CD48: variants seen among roughly 807,000 people sequenced by gnomAD.
The protein encoded by CD48 is CD48 antigen.
In CD48, 20 loss-of-function variants were observed where a neutral mutation model predicts 22.0. The observed-to-expected ratio is 0.91, with a 90% CI of 0.64 to 1.32. The LOEUF is 1.32. Among genes scored for constraint, CD48 ranks in the 40% most tolerant of loss-of-function variants. The probability of loss-of-function intolerance (pLI) is 0.00; values close to 1 mark genes in which losing one functional copy is unlikely to be tolerated. For missense variants in CD48, 307 were observed against 286.5 expected, an observed-to-expected ratio of 1.07 and a Z score of -0.52; for synonymous variants, 110 against 110.1, an observed-to-expected ratio of 1.00 and a Z score of 0.01.
At chr1:160,681,014 T>A in intron 3 of CD48, 188 bp downstream of exon 3, 1 of 1,462,890 alleles carries the variant, frequency 6.8e-7, no homozygotes, top group African/African-American at 1.4e-5. Flanking sequence ...CCCCACGAAG[T>A]TGAGGTAAGC....
chr1:160,704,748 T>G (rs1192235230), intron 1 of CD48, among the ~76,000 whole-genome samples: 1 of 152,232 alleles, frequency 6.6e-6, no homozygotes, highest in Admixed American at 6.5e-5. Flanking sequence ...ATTGAATTTA[T>G]TTTTGTTCCT....
chr1:160,684,973 T>C lies in CD48; in HGVS notation c.299A>G (p.Gln100Arg). 1 of 1,614,192 alleles carries C rather than the reference T, an allele frequency of 6.2e-7. No homozygotes were observed. Residue 100 changes from glutamine to arginine, a missense_variant, in exon 2 of 4, where the codon CAG becomes CGG. Transcript: ENST00000368046. ...GATGTAGGTGCTGTTGTCCTCTTTC[T>C]GGACCTTAGAGATGTACAGTGCGCC... ...QSGALYISKV[Q>R]KEDNSTYIMR...
chr1:160,696,306 G>C (rs1178815091), intron 1 of CD48, among the ~76,000 whole-genome samples: 54 of 150,876 alleles, frequency 3.6e-4, no homozygotes, highest in Non-Finnish European at 5.5e-4. Flanking sequence ...GGGATGTTGA[G>C]ACAGCTCTAA....
intron 1 of CD48, among the ~76,000 whole-genome samples, chr1:160,695,048 C>A (rs1208219316): frequency 1.3e-5 from 2 of 152,184 alleles, no homozygotes; most frequent in Non-Finnish European, 2.9e-5. Flanking sequence ...CCCTCTCCAG[C>A]CATGATCCCA....
At chr1:160,679,991 G>A (rs1661734763) in intron 3 of CD48, among the ~76,000 whole-genome samples, 1 of 152,174 alleles carries the variant, frequency 6.6e-6, no homozygotes, top group Non-Finnish European at 1.5e-5. Context: ...GGTAGAGACA[G>A]GGCCAATTAG....
At chr1:160,691,520 CA>C (rs1662218185) in intron 1 of CD48, among the ~76,000 whole-genome samples, 1 of 152,192 alleles carries the variant, frequency 6.6e-6, no homozygotes, top group Non-Finnish European at 1.5e-5. Flanking sequence ...ACCCTCTCCC[CA>C]CTATTGTCTT....
At chr1:160,682,491 AAGAG>A (rs772161004) in intron 2 of CD48, among the ~76,000 whole-genome samples, 3 of 145,490 alleles carry the variant, frequency 2.1e-5, no homozygotes, top group Non-Finnish European at 4.5e-5. Context: ...GAAAGGAAGA[AAGAG>A]AGAGAGAAGG....
rs556252081 is a variant in CD48, at chr1:160,691,472, T to C, written c.83-6283A>G. Among the ~76,000 whole-genome samples the C allele has an allele frequency of 5.3e-5, 8 of 152,298 alleles. No individual in the cohort carries two copies. In the East Asian group the frequency reaches 1.3e-3, roughly 26 times the overall value. On this transcript the variant is annotated intron_variant, in intron 1 of 3. Transcript: ENST00000368046. ...ACAGCATTTAATCCTTTACCTTGTCTATGATGCAAAGACCTTTGTTCACGT... is the reference window on the plus strand; with the variant it reads ...ACAGCATTTAATCCTTTACCTTGTCCATGATGCAAAGACCTTTGTTCACGT...
intron 1 of CD48, among the ~76,000 whole-genome samples, chr1:160,692,425 G>A (rs1249008506): frequency 6.6e-6 from 1 of 152,148 alleles, no homozygotes; most frequent in Non-Finnish European, 1.5e-5. Context: ...TAAACCACGA[G>A]GGCCAAGTCC....
intron 1 of CD48, among the ~76,000 whole-genome samples, chr1:160,706,761 GC>G (rs1397454850): frequency 6.6e-6 from 1 of 152,052 alleles, no homozygotes; most frequent in Non-Finnish European, 1.5e-5. Context: ...GTCTGTGCCC[GC>G]CCATGTTTCT....
chr1:160,680,965 A>T, intron 3 of CD48: 1 of 1,436,686 alleles, frequency 7.0e-7, no homozygotes, highest in South Asian at 1.5e-5. Flanking sequence ...AGTATCAGAG[A>T]TCTCTCCCAA....
At chr1:160,694,761 G>T (rs896878533) in intron 1 of CD48, among the ~76,000 whole-genome samples, 19 of 152,182 alleles carry the variant, frequency 1.2e-4, no homozygotes, top group African/African-American at 4.6e-4. Flanking sequence ...CCTTTTTAGG[G>T]GTGACCACTG....
At chr1:160,701,183 A>T (rs1165527538) in intron 1 of CD48, among the ~76,000 whole-genome samples, 1 of 142,632 alleles carries the variant, frequency 7.0e-6, no homozygotes, top group East Asian at 2.1e-4. Context: ...TATAAAAAAA[A>T]ATCTTTAAGA....
Position 160,678,962 on chromosome 1 carries a change from C to T in CD48, c.*90G>A. 2 of 919,914 alleles carry T rather than the reference C, an allele frequency of 2.2e-6. No homozygotes were observed. The highest frequency in any genetic ancestry group is 3.6e-6 in the Non-Finnish European group (2 of 550,904). The allele number at this position is 919,914 out of a possible 1,614,324, so 57.0% of individuals were successfully genotyped here. A position where few individuals can be genotyped will look rare whatever the true frequency, so the allele number is the denominator to read the frequency against. ...ATTCAGCAGCATGCTTCTGGTCAGC[C>T]TATACAGTCTCTGTCCTGGTGAGGA... is the stretch of plus-strand genomic sequence containing the variant. On this transcript the variant is annotated 3_prime_UTR_variant, in exon 4 of 4. Coordinates refer to ENST00000368046, the MANE Select transcript of CD48 (RefSeq NM_001778.4).
rs761666727 is a variant in CD48, at chr1:160,681,262, C to T, written c.592G>A (p.Val198Ile). ...TTCTTGCTGCTCACAGAATTGCTGA[C>T]TTGGCAAGTATAACACCTGGAGTAA... is the stretch of plus-strand genomic sequence containing the variant. ...HNYSRCYTCQ[V>I]SNSVSSKNGT... is the part of the protein sequence containing the mutation. Residue 198 changes from valine to isoleucine, a missense_variant, in exon 3 of 4, where the codon GTC (valine) becomes ATC (isoleucine). By Grantham distance (29) the Val-to-Ile change is conservative. Transcript: ENST00000368046. 16 of 1,614,114 alleles carry T rather than the reference C, an allele frequency of 9.9e-6. No individual in the cohort carries two copies. In the East Asian group the frequency reaches 3.3e-4, roughly 34 times the overall value.
intron 2 of CD48, 112 bp from the exon 3 acceptor site, chr1:160,681,580 CAG>C (rs1661805993): frequency 5.9e-6 from 8 of 1,347,378 alleles, no homozygotes; most frequent in Middle Eastern, 2.3e-4. Context: ...CCCCAGGAGG[CAG>C]AGTCATGAAG....
Position 160,681,203 on chromosome 1 carries a change from C to T in CD48, c.651G>A (p.Leu217=), listed in dbSNP as rs1661788037. 2.5e-6 allele frequency: 4 copies of T among 1,614,056 alleles called. No homozygotes were observed. In the East Asian group the frequency reaches 8.9e-5, roughly 36 times the overall value. ...GTVCLSPPCT[L]ARSFGVEWIA... ...TCAGCTCCCAGGGATCCTTCTTACC[C>T]AGGGTACAGGGTGGACTGAGGCAGA... The change falls in exon 3 of 4, where the codon CTG becomes CTA. Residue 217 remains leucine (L), a splice_region_variant and synonymous_variant. Transcript: ENST00000368046.
intron 1 of CD48, among the ~76,000 whole-genome samples, chr1:160,690,220 GC>G (rs1229087173): frequency 2.0e-5 from 3 of 152,112 alleles, no homozygotes; most frequent in Non-Finnish European, 4.4e-5. Context: ...TGATATGGAA[GC>G]CCCATAACTG....
intron 2 of CD48, among the ~76,000 whole-genome samples, 184 bp from the exon 3 acceptor site, chr1:160,681,652 A>C (rs1661807645): frequency 6.6e-6 from 1 of 152,206 alleles, no homozygotes; most frequent in South Asian, 2.1e-4. Flanking sequence ...TCACAGACTC[A>C]CTGCAAGAGC....
Sources: allele counts gnomAD v4.1 joint callset (sites outside exome capture counted in the v4.1 genomes callset), GRCh38; gene constraint gnomAD v4.1.1; transcripts MANE v1.5; gene names NCBI Gene and HGNC (gene_info 2026-07-23, HGNC 2026-07-21).